The following OSTF1 variants were observed in gnomAD, a reference collection of about 807,000 sequenced individuals.
OSTF1 encodes the protein osteoclast-stimulating factor 1.
A neutral mutation model predicts 37.2 loss-of-function variants in OSTF1; 27 were observed. The observed-to-expected ratio is 0.73, with a 90% CI of 0.54 to 1.00. OSTF1 has a LOEUF of 1.00. OSTF1 is among the 50% of genes least tolerant of loss of function. OSTF1 has a pLI of 0.00. For missense variants in OSTF1, 232 were observed against 253.8 expected (o/e 0.91, Z 0.58); for synonymous variants, 82 against 89.2 (o/e 0.92, Z 0.46).
chr9:75,134,741 G>T (rs1183479354), intron 7 of OSTF1, among the ~76,000 whole-genome samples: 1 of 152,086 alleles, frequency 6.6e-6, no homozygotes, highest in East Asian at 1.9e-4. Context: ...TCATCTTTCA[G>T]CACCCCAGCA....
chr9:75,091,817 T>C (rs1371737464), intron 1 of OSTF1, among the ~76,000 whole-genome samples: 1 of 152,230 alleles, frequency 6.6e-6, no homozygotes, highest in Non-Finnish European at 1.5e-5. Context: ...GTAAGGTCAC[T>C]GTAGATTTGG....
At chr9:75,144,260 A>C (rs1331471946) in intron 9 of OSTF1, among the ~76,000 whole-genome samples, 1 of 152,178 alleles carries the variant, frequency 6.6e-6, no homozygotes, top group Non-Finnish European at 1.5e-5. Context: ...GCTGGTGTGA[A>C]GTCAGTGAAA....
chr9:75,125,391 G>T (rs1292989529), intron 2 of OSTF1, among the ~76,000 whole-genome samples: 2 of 152,088 alleles, frequency 1.3e-5, no homozygotes, highest in South Asian at 2.1e-4. Flanking sequence ...GTCATTGATC[G>T]ATCATCAGAA....
Position 75,140,855 on chromosome 9 carries a change from A to G in OSTF1, c.509A>G (p.Asn170Ser). ...GAAGGTGCTAGAACAGACTTAAGAA[A>G]CATTGAGAAGAAGCTGGCCTTCGAC... ...LAKGARTDLRNIEKKLAFDMA... is the reference protein window; with the variant it reads ...LAKGARTDLRSIEKKLAFDMA... The change falls in exon 9 of 10, where the codon AAC (asparagine) becomes AGC (serine). Residue 170 changes from asparagine to serine, a missense_variant. Transcript: ENST00000346234. 2 of 1,613,674 alleles carry G rather than the reference A, an allele frequency of 1.2e-6. No individual in the cohort carries two copies. The highest frequency in any genetic ancestry group is 1.7e-6 in the Non-Finnish European group (2 of 1,179,636).
At chr9:75,092,823 A>G (rs185128863) in intron 1 of OSTF1, among the ~76,000 whole-genome samples, 1 of 152,132 alleles carries the variant, frequency 6.6e-6, no homozygotes, top group East Asian at 1.9e-4. Flanking sequence ...GCTATACGGT[A>G]TTGCCTGCAT....
intron 1 of OSTF1, among the ~76,000 whole-genome samples, chr9:75,106,495 AT>A (rs1410061077): frequency 6.6e-6 from 1 of 151,742 alleles, no homozygotes; most frequent in African/African-American, 2.4e-5. Flanking sequence ...AAATACACAA[AT>A]TAGCTGGACA....
chr9:75,133,014 C>T (rs1157293470), intron 5 of OSTF1, among the ~76,000 whole-genome samples: 1 of 137,104 alleles, frequency 7.3e-6, no homozygotes, highest in African/African-American at 2.7e-5. Context: ...CACACACACC[C>T]CTATATATTT....
chr9:75,113,437 CT>C (rs1010924236), intron 1 of OSTF1, among the ~76,000 whole-genome samples: 87 of 143,666 alleles, frequency 6.1e-4, no homozygotes, highest in African/African-American at 5.1e-4. Flanking sequence ...CTGCAATATT[CT>C]TTTTTTTTTT....
intron 1 of OSTF1, among the ~76,000 whole-genome samples, chr9:75,099,101 T>G (rs1043495432): frequency 3.9e-5 from 6 of 152,268 alleles, no homozygotes; most frequent in Admixed American, 1.3e-4. Flanking sequence ...CATGCCCAGC[T>G]ACTTTTTTGT....
chr9:75,115,636 C>T (rs530514781), intron 1 of OSTF1, among the ~76,000 whole-genome samples: 5,625 of 111,476 alleles, frequency 0.05, 148 homozygotes, highest in African/African-American at 0.082. Flanking sequence ...GAGGACCCCC[C>T]CTTTTTTTGT....
chr9:75,110,420 A>G (rs1004745511), intron 1 of OSTF1, among the ~76,000 whole-genome samples: 1 of 152,094 alleles, frequency 6.6e-6, no homozygotes, highest in Non-Finnish European at 1.5e-5. Context: ...TCATGGCTTG[A>G]TAGCTCATTT....
intron 1 of OSTF1, among the ~76,000 whole-genome samples, chr9:75,113,314 C>T (rs922794014): frequency 6.6e-6 from 1 of 152,254 alleles, no homozygotes; most frequent in African/African-American, 2.4e-5. Flanking sequence ...TTGGTGCTCT[C>T]ATTCAATGGC....
At chr9:75,128,552 CAT>C (rs58960713) in intron 3 of OSTF1, among the ~76,000 whole-genome samples, 160 of 2,876 alleles carry the variant, frequency 0.056, 56 homozygotes, top group South Asian at 0.081. Flanking sequence ...ATATTTTGTC[CAT>C]ATATATATAT....
At chr9:75,088,955 G>A (rs1824875645) in intron 1 of OSTF1, among the ~76,000 whole-genome samples, 1 of 152,094 alleles carries the variant, frequency 6.6e-6, no homozygotes, top group Admixed American at 6.5e-5. Context: ...TATATTTAAA[G>A]GGGAGTAGCC....
chr9:75,101,951 C>G (rs1587441275), intron 1 of OSTF1, among the ~76,000 whole-genome samples: 1 of 152,240 alleles, frequency 6.6e-6, no homozygotes, highest in Non-Finnish European at 1.5e-5. Flanking sequence ...AAGAGTAAGG[C>G]CATTTAAAAA....
rs894105224 is a variant in OSTF1 at position 75,146,558 on chromosome 9, G to C, written c.587-125G>C. On this transcript the variant is annotated intron_variant, in intron 9 of 9. Transcript: ENST00000346234. ...GCAAAAGCAGAGAAAGATCCTCAGG[G>C]AAAGTACAATCCCTGGGTCAGATGG... 4.3e-6 allele frequency: 3 copies of C among 694,122 alleles called. No homozygotes were observed. In the African/African-American group the frequency reaches 5.5e-5, roughly 13 times the overall value. The allele number at this position is 694,122 out of a possible 1,614,324, so 43.0% of individuals were successfully genotyped here. A position where few individuals can be genotyped will look rare whatever the true frequency, so the allele number is the denominator to read the frequency against.
chr9:75,094,967 G>A (rs925796932), intron 1 of OSTF1, among the ~76,000 whole-genome samples: 2 of 152,146 alleles, frequency 1.3e-5, no homozygotes, highest in African/African-American at 4.8e-5. Flanking sequence ...GATCACTTGA[G>A]CCTGGGAGGC....
At chr9:75,144,578 C>A (rs773110818) in intron 9 of OSTF1, among the ~76,000 whole-genome samples, 8 of 151,948 alleles carry the variant, frequency 5.3e-5, no homozygotes, top group Non-Finnish European at 1.0e-4. Context: ...TCTGCTTTAT[C>A]TTTCCTTCTC....
chr9:75,101,648 T>G (rs954343293), intron 1 of OSTF1, among the ~76,000 whole-genome samples: 2 of 152,224 alleles, frequency 1.3e-5, no homozygotes, highest in African/African-American at 4.8e-5. Flanking sequence ...CTCTTGTGTT[T>G]TATAATCTTT....
Sources: allele counts gnomAD v4.1 joint callset (sites outside exome capture counted in the v4.1 genomes callset), GRCh38; gene constraint gnomAD v4.1.1; transcripts MANE v1.5; gene names NCBI Gene and HGNC (gene_info 2026-07-23, HGNC 2026-07-21).